FCGR3A: variants seen among roughly 807,000 people sequenced by gnomAD.
FCGR3A encodes the protein low affinity immunoglobulin gamma Fc region receptor III-A.
A neutral mutation model predicts 24.1 loss-of-function variants in FCGR3A; 13 were observed. That is an observed-to-expected ratio of 0.54 (90% confidence interval 0.35 to 0.86). FCGR3A has a LOEUF of 0.86. FCGR3A is among the 40% of genes least tolerant of loss of function. FCGR3A has a pLI of 0.01. For missense variants in FCGR3A, 235 were observed against 298.0 expected (o/e 0.79, Z 1.56); for synonymous variants, 93 against 112.2 (o/e 0.83, Z 1.08).
In FCGR3A at chr1:161,549,795, C is replaced by T. The variant is rs1557858955; in HGVS notation, c.-59G>A. 1.9e-6 allele frequency: 3 copies of T among 1,613,884 alleles called. No individual in the cohort carries two copies. Among genetic ancestry groups the T allele is most frequent in the Non-Finnish European group, 2.5e-6 (3 of 1,179,906 alleles). On this transcript the variant is annotated 5_prime_UTR_variant, in exon 1 of 5. Transcript: ENST00000443193. ...TATCCGGAGCCCTAAAGGGACCAAA[C>T]CGACTAGACAGGAGGAAGTAAACAG...
intron 3 of FCGR3A, chr1:161,545,871 T>G: frequency 6.6e-6 from 1 of 152,210 alleles, no homozygotes; most frequent in African/African-American, 2.4e-5. Flanking sequence ...AGCATAATAC[T>G]TCAAATATTT....
upstream of FCGR3A, chr1:161,550,123 G>A: frequency 1.9e-6 from 1 of 526,974 alleles, no homozygotes; most frequent in Non-Finnish European, 3.3e-6. Context: ...AGACCCTGGG[G>A]ATGAGATTCA....
At position 161,546,221 on chromosome 1, in the gene FCGR3A, CA is replaced by C. The variant is rs527655666; in HGVS notation, c.320-1264del. ...TTACCTATTAAGAGATATCATTTAT[CA>C]AAAGAAGCCATGTGCCTATCTATCC... On this transcript the variant is annotated intron_variant, in intron 3 of 4. Transcript: ENST00000443193. Among the ~76,000 whole-genome samples, 187 of 152,028 alleles carry C rather than the reference CA, an allele frequency of 1.2e-3. 1 individual carries two copies. Among genetic ancestry groups the C allele is most frequent in the Middle Eastern group, 0.01 (3 of 294 alleles).
chr1:161,548,384 T>C (rs1417755848), intron 3 of FCGR3A, 37 bp downstream of exon 3: 1 of 1,613,286 alleles, frequency 6.2e-7, no homozygotes, highest in Non-Finnish European at 8.5e-7. Flanking sequence ...GTTTCACCCT[T>C]TATTGGTGAT....
Position 161,549,725 on chromosome 1 carries a change from C to A in FCGR3A, c.12G>T (p.Leu4=). 6.2e-7 allele frequency: 1 copy of A among 1,613,912 alleles called. No homozygotes were observed. Among genetic ancestry groups the A allele is most frequent in the South Asian group, 1.1e-5 (1 of 91,046 alleles). The change falls in exon 1 of 5, where the codon CTG becomes CTT. Residue 4 remains leucine, a synonymous_variant. Coordinates refer to ENST00000443193, the MANE Select transcript of FCGR3A (RefSeq NM_000569.8). The part of the protein sequence containing the change: MWQ[L]LLPTALLLLV... ...GAAGTAGCAGAGCAGTTGGGAGGAG[C>A]AGCTGCCACATGATGCCACACTGGA...
At chr1:161,547,473 G>A (rs1298524871) in intron 3 of FCGR3A, among the ~76,000 whole-genome samples, 1 of 152,126 alleles carries the variant, frequency 6.6e-6, no homozygotes, top group Non-Finnish European at 1.5e-5. Context: ...GGGACACCAG[G>A]AAAGACCTCT....
chr1:161,545,085 G>C, intron 3 of FCGR3A, 127 bp from the exon 4 acceptor site: 1 of 1,212,110 alleles, frequency 8.3e-7, no homozygotes, highest in South Asian at 1.5e-5. Flanking sequence ...ACCCTGCATA[G>C]CTCCCTTTGG....
At chr1:161,549,380 G>T (rs545973805) in intron 1 of FCGR3A, among the ~76,000 whole-genome samples, 5 of 152,188 alleles carry the variant, frequency 3.3e-5, no homozygotes, top group East Asian at 3.9e-4. Flanking sequence ...AAATCATAGA[G>T]GAGAACCCTG....
chr1:161,545,365 A>C (rs964920870), intron 3 of FCGR3A: 2 of 188,168 alleles, frequency 1.1e-5, no homozygotes, highest in Admixed American at 1.1e-4. Context: ...TATTAGAGGA[A>C]AAGGTAGATT....
chr1:161,543,602 A>G (rs1237945009), intron 4 of FCGR3A, among the ~76,000 whole-genome samples: 1 of 151,366 alleles, frequency 6.6e-6, no homozygotes, highest in Middle Eastern at 3.2e-3. Context: ...TAAAAAAAAA[A>G]TGACCAGAAT....
At position 161,548,533 on chromosome 1, in the gene FCGR3A, G is replaced by A. The variant is rs1677563760; in HGVS notation, c.207C>T (p.Ser69=). The change falls in exon 3 of 5, where the codon AGC becomes AGT. Residue 69 remains serine, a synonymous_variant. Transcript: ENST00000443193. ...CGTCAATGAAGTAGCTCGAGGCCTG[G>A]CTTGAGATGAGGCTCTCATTGTGAA... ...QWFHNESLIS[S]QASSYFIDAA... 1.2e-6 allele frequency: 2 copies of A among 1,614,036 alleles called. No individual in the cohort carries two copies. Among genetic ancestry groups the A allele is most frequent in the Non-Finnish European group, 1.7e-6 (2 of 1,179,876 alleles).
At chr1:161,546,759 G>T (rs917628024) in intron 3 of FCGR3A, among the ~76,000 whole-genome samples, 1 of 151,864 alleles carries the variant, frequency 6.6e-6, no homozygotes, top group Non-Finnish European at 1.5e-5. Flanking sequence ...CAAAAAATTA[G>T]CCGGGCGTGG....
intron 4 of FCGR3A, among the ~76,000 whole-genome samples, 167 bp downstream of exon 4, chr1:161,544,534 C>A (rs1677288724): frequency 1.3e-5 from 2 of 150,914 alleles, no homozygotes; most frequent in South Asian, 4.2e-4. Context: ...GCAAACCTAC[C>A]CTGCAATCAG....
intron 3 of FCGR3A, among the ~76,000 whole-genome samples, chr1:161,546,892 G>C (rs1214055444): frequency 1.2e-4 from 18 of 151,942 alleles, no homozygotes; most frequent in African/African-American, 4.4e-4. Context: ...GTGACAGAGA[G>C]AGACTCTGTC....
At position 161,544,831 on chromosome 1, in the gene FCGR3A, C is replaced by T. The variant is rs760658888; in HGVS notation, c.447G>A (p.Lys149=). 5 of 1,613,912 alleles carry T rather than the reference C, an allele frequency of 3.1e-6. No homozygotes were observed. In the Admixed American group the frequency reaches 8.3e-5, roughly 27 times the overall value. ...VTYLQNGKGR[K]YFHHNSDFYI... Reference sequence around the variant, plus strand: ...AGAAGTCAGAATTATGATGAAAATACTTCCTGCCTTTGCCATTCTGTAAAT... The same window carrying T: ...AGAAGTCAGAATTATGATGAAAATATTTCCTGCCTTTGCCATTCTGTAAAT... Residue 149 remains lysine (K), a synonymous_variant, in exon 4 of 5, where the codon AAG becomes AAA. Coordinates refer to ENST00000443193, the MANE Select transcript of FCGR3A (RefSeq NM_000569.8).
At chr1:161,547,915 C>A (rs534432408) in intron 3 of FCGR3A, among the ~76,000 whole-genome samples, 1 of 152,278 alleles carries the variant, frequency 6.6e-6, no homozygotes, top group African/African-American at 2.4e-5. Context: ...ACTAAAAATA[C>A]AAAAATTAGC....
chr1:161,545,962 G>A (rs1677375124), intron 3 of FCGR3A, among the ~76,000 whole-genome samples: 1 of 151,980 alleles, frequency 6.6e-6, no homozygotes, highest in Admixed American at 6.6e-5. Context: ...TGGGACTGAA[G>A]GACATTTTAA....
Position 161,549,438 on chromosome 1 carries a change from C to T in FCGR3A, c.40+259G>A, listed in dbSNP as rs1677634887. Among the ~76,000 whole-genome samples, 3 of 152,034 alleles carry T rather than the reference C, an allele frequency of 2.0e-5. 1 individual carries two copies. The highest frequency in any genetic ancestry group is 2.9e-5 in the Non-Finnish European group (2 of 67,992). On this transcript the variant is annotated intron_variant, in intron 1 of 4. Transcript: ENST00000443193. ...GACCCTAGGGACCATCTAGTCGAAG[C>T]TCTTTGGTTCCACAGAGTGATTCTG...
upstream of FCGR3A, chr1:161,550,703 C>G (rs1192895738): frequency 6.6e-6 from 1 of 152,550 alleles, no homozygotes; most frequent in East Asian, 1.9e-4. Flanking sequence ...TCTCCAGATT[C>G]TCCCCCGTAA....
Sources: gnomAD v4.1 joint callset for allele counts (sites outside exome capture counted in the v4.1 genomes callset) on GRCh38, gnomAD v4.1.1 for gene constraint, MANE v1.5 for transcripts, NCBI Gene and HGNC (gene_info 2026-07-23, HGNC 2026-07-21) for gene names.